KCNIP4: variants seen among roughly 807,000 people sequenced by gnomAD.
KCNIP4 encodes the protein Kv channel-interacting protein 4.
A neutral mutation model predicts 34.0 loss-of-function variants in KCNIP4; 12 were observed. That is an observed-to-expected ratio of 0.35 (90% confidence interval 0.23 to 0.57). The LOEUF is 0.57. Ranked by LOEUF, KCNIP4 falls within the 20% of genes least tolerant of loss-of-function variation. KCNIP4 has a pLI of 0.83. For missense variants in KCNIP4, 238 were observed against 311.7 expected, an observed-to-expected ratio of 0.76 and a Z score of 1.78; for synonymous variants, 124 against 102.2, an observed-to-expected ratio of 1.21 and a Z score of -1.29.
intron 1 of KCNIP4, among the ~76,000 whole-genome samples, chr4:21,448,718 T>G (rs529507345): frequency 6.6e-6 from 1 of 152,114 alleles, no homozygotes; most frequent in Admixed American, 6.5e-5. Context: ...AGGGACATCC[T>G]TTTTACTTCT....
chr4:20,778,385 T>C (rs1348138322), intron 3 of KCNIP4, among the ~76,000 whole-genome samples: 1 of 152,210 alleles, frequency 6.6e-6, no homozygotes, highest in African/African-American at 2.4e-5. Context: ...AATATATTTA[T>C]TGAATTTAAA....
At chr4:21,779,679 G>C (rs1454928145) in intron 1 of KCNIP4, among the ~76,000 whole-genome samples, 1 of 152,126 alleles carries the variant, frequency 6.6e-6, no homozygotes, top group Non-Finnish European at 1.5e-5. Context: ...CGAGGCAGAA[G>C]AATCATTTAG....
chr4:21,578,424 C>A (rs1021766978), intron 1 of KCNIP4, among the ~76,000 whole-genome samples: 1 of 150,826 alleles, frequency 6.6e-6, no homozygotes, highest in Admixed American at 6.6e-5. Flanking sequence ...CTTCTAAAGC[C>A]CAGTTTTTAT....
intron 3 of KCNIP4, among the ~76,000 whole-genome samples, chr4:20,831,077 G>A (rs1339999706): frequency 6.6e-6 from 1 of 152,158 alleles, no homozygotes; most frequent in African/African-American, 2.4e-5. Flanking sequence ...TAAGGGAGCT[G>A]TGACTGTATA....
intron 1 of KCNIP4, among the ~76,000 whole-genome samples, chr4:21,625,569 G>A (rs895977873): frequency 6.6e-6 from 1 of 152,138 alleles, no homozygotes; most frequent in African/African-American, 2.4e-5. Flanking sequence ...GAAAACTGCA[G>A]AAAGCTGGTG....
rs150902223 is a variant in KCNIP4, at chr4:21,258,512, T to A, written c.62-375803A>T. ...ATGGGAATTTTATGAGGGAGGCAGA[T>A]TATAACCTAAAGTTATGAATAATCA... On this transcript the variant is annotated intron_variant, in intron 1 of 8. Transcript: ENST00000382152. Among the ~76,000 whole-genome samples the A allele has an allele frequency of 6.7e-3, 1,026 of 152,298 alleles. 35 individuals carry two copies. Among genetic ancestry groups the A allele is most frequent in the Admixed American group, 0.062 (943 of 15,282 alleles).
At chr4:21,082,230 TC>T (rs1297666983) in intron 1 of KCNIP4, among the ~76,000 whole-genome samples, 2 of 151,778 alleles carry the variant, frequency 1.3e-5, no homozygotes, top group African/African-American at 4.9e-5. Context: ...AGCTGATAGC[TC>T]ATTAAGGCTC....
At chr4:21,207,411 T>G (rs1032007605) in intron 1 of KCNIP4, among the ~76,000 whole-genome samples, 6 of 152,202 alleles carry the variant, frequency 3.9e-5, no homozygotes, top group African/African-American at 1.2e-4. Flanking sequence ...TCTCATTTCT[T>G]TTTTCTTTTT....
rs975908212 is a variant in KCNIP4 at position 21,066,499 on chromosome 4, A to G, written c.62-183790T>C. On this transcript the variant is annotated intron_variant, in intron 1 of 8. Transcript: ENST00000382152. ...GAAAAGACAGTCTTTAATCACCTAT[A>G]CCATCCCTCCCCCCATCCCCCGCAT... Among the ~76,000 whole-genome samples the G allele has an allele frequency of 8.5e-5, 13 of 152,072 alleles. No homozygotes were observed. The East Asian group carries it at 2.5e-3, about 29-fold the overall frequency.
At chr4:21,738,870 T>C (rs1716202492) in intron 1 of KCNIP4, among the ~76,000 whole-genome samples, 1 of 152,174 alleles carries the variant, frequency 6.6e-6, no homozygotes, top group African/African-American at 2.4e-5. Context: ...TACATGATGA[T>C]CTATCATTAA....
At chr4:21,003,328 T>C (rs1738296669) in intron 1 of KCNIP4, among the ~76,000 whole-genome samples, 1 of 152,156 alleles carries the variant, frequency 6.6e-6, no homozygotes, top group Non-Finnish European at 1.5e-5. Context: ...ACACAATCCA[T>C]AAGGTGGGGC....
At chr4:21,071,492 G>A (rs551872487) in intron 1 of KCNIP4, among the ~76,000 whole-genome samples, 46 of 152,146 alleles carry the variant, frequency 3.0e-4, no homozygotes, top group African/African-American at 9.9e-4. Context: ...TATATACTAA[G>A]TTTTGAAGTC....
At chr4:21,357,175 T>C (rs116135731) in intron 1 of KCNIP4, among the ~76,000 whole-genome samples, 32,664 of 152,148 alleles carry the variant, frequency 0.21, 4,056 homozygotes, top group Middle Eastern at 0.39. Context: ...TCAAGATGGA[T>C]TGAAGACTTA....
chr4:20,821,902 C>G (rs1254092225), intron 3 of KCNIP4, among the ~76,000 whole-genome samples: 1 of 152,046 alleles, frequency 6.6e-6, no homozygotes, highest in South Asian at 2.1e-4. Flanking sequence ...CTCTCACACA[C>G]ACACATTTTC....
At chr4:20,848,310 G>A (rs1008330146) in intron 3 of KCNIP4, among the ~76,000 whole-genome samples, 2 of 151,746 alleles carry the variant, frequency 1.3e-5, no homozygotes, top group South Asian at 4.2e-4. Flanking sequence ...GGATGGGGAA[G>A]AGCTGAAAGG....
chr4:21,550,376 A>T (rs2109014550), intron 1 of KCNIP4, among the ~76,000 whole-genome samples: 1 of 152,220 alleles, frequency 6.6e-6, no homozygotes, highest in Admixed American at 6.5e-5. Flanking sequence ...CACTGGAAGG[A>T]GGGAGCTCTT....
chr4:21,059,977 T>C (rs1743772188), intron 1 of KCNIP4, among the ~76,000 whole-genome samples: 1 of 152,142 alleles, frequency 6.6e-6, no homozygotes, highest in African/African-American at 2.4e-5. Context: ...ATTATACATA[T>C]ACCAGATACA....
At chr4:21,761,503 C>T (rs1718050194) in intron 1 of KCNIP4, among the ~76,000 whole-genome samples, 3 of 151,998 alleles carry the variant, frequency 2.0e-5, no homozygotes. Context: ...ACAGACATTA[C>T]AATGACCTCT....
rs191755753 is a variant in KCNIP4 at position 21,021,543 on chromosome 4, T to G, written c.62-138834A>C. Among the ~76,000 whole-genome samples the G allele has an allele frequency of 3.7e-3, 561 of 152,256 alleles. 2 individuals are homozygous for G. Among genetic ancestry groups the G allele is most frequent in the Middle Eastern group, 0.01 (3 of 294 alleles). On this transcript the variant is annotated intron_variant, in intron 1 of 8. Transcript: ENST00000382152. ...ATGTTTTCTTTCTTTATATTCTTAT[T>G]CTATAAAATTTTTTCTATTAATTAT... is the stretch of plus-strand genomic sequence containing the variant.
Sources: allele counts gnomAD v4.1 joint callset (sites outside exome capture counted in the v4.1 genomes callset), GRCh38; gene constraint gnomAD v4.1.1; transcripts MANE v1.5; gene names NCBI Gene and HGNC (gene_info 2026-07-23, HGNC 2026-07-21).